TMEM204: variants seen among roughly 807,000 people sequenced by gnomAD.
TMEM204 encodes the protein transmembrane protein 204, also known as claudin-like protein 24.
TMEM204 carries 15 observed loss-of-function variants against 19.4 expected under a neutral mutation model. The observed-to-expected ratio is 0.77, with a 90% CI of 0.52 to 1.19. The LOEUF is 1.19. TMEM204 is among the 50% of genes most tolerant of loss of function. TMEM204 has a pLI of 0.00. For synonymous variants in TMEM204, 161 were observed against 146.0 expected (o/e 1.10, Z -0.74); for missense variants, 287 against 321.2 (o/e 0.89, Z 0.81).
At chr16:1,529,716 CT>C (rs1180549691), upstream of TMEM204, among the ~76,000 whole-genome samples, 1 of 152,196 alleles carries the variant, frequency 6.6e-6, no homozygotes, top group Admixed American at 6.5e-5. Flanking sequence ...CTCCTTTATG[CT>C]GAGGTCCTGG....
At chr16:1,554,020 C>A in intron 2 of TMEM204, 1 of 1,287,240 alleles carries the variant, frequency 7.8e-7, no homozygotes, top group Non-Finnish European at 1.0e-6. Context: ...CGGCCCACCT[C>A]TCCTTCTCTG....
At chr16:1,538,212 T>C (rs1429136846) in intron 1 of TMEM204, among the ~76,000 whole-genome samples, 1 of 152,156 alleles carries the variant, frequency 6.6e-6, no homozygotes, top group East Asian at 1.9e-4. Flanking sequence ...TGGTGAGCCA[T>C]GCACCCTGGG....
intron 2 of TMEM204, among the ~76,000 whole-genome samples, chr16:1,547,615 T>C (rs781524776): frequency 1.3e-5 from 2 of 152,170 alleles, no homozygotes; most frequent in Non-Finnish European, 2.9e-5. Flanking sequence ...GGGTTCAATA[T>C]AAGTTCCGCC....
chr16:1,534,677 G>A, intron 1 of TMEM204, 122 bp downstream of exon 1: 2 of 1,410,736 alleles, frequency 1.4e-6, no homozygotes, highest in South Asian at 2.4e-5. Flanking sequence ...CCCTGAGCGT[G>A]GCCTCTGGGC....
intron 2 of TMEM204, among the ~76,000 whole-genome samples, chr16:1,552,345 C>G (rs1157867349): frequency 1.3e-5 from 2 of 152,136 alleles, no homozygotes; most frequent in Non-Finnish European, 2.9e-5. Flanking sequence ...CGCCCCACCC[C>G]TCCCGCTCGC....
intron 2 of TMEM204, among the ~76,000 whole-genome samples, chr16:1,544,019 CTTT>C (rs768616715): frequency 5.7e-5 from 8 of 140,028 alleles, no homozygotes; most frequent in Admixed American, 7.1e-5. Flanking sequence ...CACTACATTT[CTTT>C]TTTTTTTTTT....
chr16:1,540,080 G>C (rs1030977507), intron 1 of TMEM204, among the ~76,000 whole-genome samples: 3 of 152,164 alleles, frequency 2.0e-5, no homozygotes, highest in Admixed American at 2.0e-4. Context: ...GGGACCCTCA[G>C]TGGCGAGGAG....
intron 1 of TMEM204, chr16:1,541,066 A>G: frequency 1.0e-6 from 1 of 985,448 alleles, no homozygotes; most frequent in Non-Finnish European, 1.2e-6. Context: ...CCTGAGGGCA[A>G]CAAACGCACC....
At chr16:1,532,612 A>G (rs2030624205), upstream of TMEM204, 1 of 152,272 alleles carries the variant, frequency 6.6e-6, no homozygotes, top group Non-Finnish European at 1.5e-5. Flanking sequence ...ACAGGCTGGG[A>G]ACAGGACTCT....
At chr16:1,544,143 G>A (rs1490489888) in intron 2 of TMEM204, among the ~76,000 whole-genome samples, 1 of 149,074 alleles carries the variant, frequency 6.7e-6, no homozygotes, top group African/African-American at 2.5e-5. Context: ...TCAGCCTCCC[G>A]TGTAGGTGGG....
At chr16:1,530,780 C>T (rs1381082541), upstream of TMEM204, 2 of 150,562 alleles carry the variant, frequency 1.3e-5, no homozygotes, top group Admixed American at 6.6e-5. Flanking sequence ...TTCCTGGGGC[C>T]CATGTGTGAC....
chr16:1,544,807 CCTGG>C (rs371521848), intron 2 of TMEM204, among the ~76,000 whole-genome samples: 3,501 of 151,626 alleles, frequency 0.023, 125 homozygotes, highest in African/African-American at 0.08. Flanking sequence ...CGCCACCACG[CCTGG>C]CTAATTTTTT....
Position 1,552,737 on chromosome 16 carries a change from C to T in TMEM204, c.437-2045C>T, listed in dbSNP as rs111621426. Among the ~76,000 whole-genome samples the T allele has an allele frequency of 8.7e-3, 1,316 of 151,674 alleles. 13 individuals carry two copies. Among genetic ancestry groups the T allele is most frequent in the Non-Finnish European group, 0.013 (897 of 67,904 alleles). ...GATCTCGGCTCACTGCAACCTCCGCCTCTTGGGTTCAAGCAATTCTCTGCT... is the reference window on the plus strand; with the variant it reads ...GATCTCGGCTCACTGCAACCTCCGCTTCTTGGGTTCAAGCAATTCTCTGCT... On this transcript the variant is annotated intron_variant, in intron 2 of 2. Transcript: ENST00000566264.
upstream of TMEM204, among the ~76,000 whole-genome samples, chr16:1,530,131 A>ATTTTTTTTT (rs2030295926): frequency 7.9e-6 from 1 of 126,538 alleles, no homozygotes; most frequent in African/African-American, 3.7e-5. Flanking sequence ...CACGACGGGA[A>ATTTTTTTTT]TCTTTTTTTT....
Position 1,553,689 on chromosome 16 carries a change from G to A in TMEM204, c.437-1093G>A, listed in dbSNP as rs908134543. The A allele has an allele frequency of 9.4e-7, 1 of 1,066,486 alleles. No homozygotes were observed. Among genetic ancestry groups the A allele is most frequent in the African/African-American group, 1.7e-5 (1 of 60,524 alleles). 66.1% of individuals were successfully genotyped at this position (1,066,486 alleles called of 1,614,324 possible). A position where few individuals can be genotyped will look rare whatever the true frequency, so the allele number is the denominator to read the frequency against. ...AGAAGCGGGGCTGGGGCTGAAGGCT[G>A]GCTGGAGGCCCCATGGCCTCCAGGA... On this transcript the variant is annotated intron_variant, in intron 2 of 2. Transcript: ENST00000566264. This position sits in a 1 kb window ranked among gnomAD's most constrained non-coding sequence, Gnocchi z 4.4.
intron 2 of TMEM204, among the ~76,000 whole-genome samples, chr16:1,545,146 A>G (rs940239239): frequency 1.3e-5 from 2 of 152,254 alleles, no homozygotes; most frequent in Non-Finnish European, 2.9e-5. Context: ...GCTGTCTTAC[A>G]GCATTCCCGG....
At chr16:1,530,958 TG>T (rs1198570759), upstream of TMEM204, 1 of 152,306 alleles carries the variant, frequency 6.6e-6, no homozygotes, top group African/African-American at 2.4e-5. Flanking sequence ...CCGAGGCTGC[TG>T]GGAGAACCCA....
intron 2 of TMEM204, among the ~76,000 whole-genome samples, chr16:1,544,164 C>G (rs2031924750): frequency 7.2e-6 from 1 of 139,320 alleles, no homozygotes; most frequent in Non-Finnish European, 1.7e-5. Context: ...ATTGCAGGCA[C>G]CTGCCACCAC....
rs1006037750 is a variant in TMEM204, at chr16:1,541,864, G to C, written c.281-57G>C. 5 of 1,496,468 alleles carry C rather than the reference G, an allele frequency of 3.3e-6. No homozygotes were observed. The African/African-American group carries it at 4.2e-5, about 13-fold the overall frequency. The allele number at this position is 1,496,468 out of a possible 1,614,324, so 92.7% of individuals were successfully genotyped here. A position where few individuals can be genotyped will look rare whatever the true frequency, so the allele number is the denominator to read the frequency against. Reference sequence around the variant, plus strand: ...GACCACGAAAGTGGCGTGACGGCTGGCGTGGCCTCTGGAGCCCACCTGCAC... The same window carrying C: ...GACCACGAAAGTGGCGTGACGGCTGCCGTGGCCTCTGGAGCCCACCTGCAC... On this transcript the variant is annotated intron_variant, in intron 1 of 2. Transcript: ENST00000566264.
Sources: allele counts gnomAD v4.1 joint callset (sites outside exome capture counted in the v4.1 genomes callset), GRCh38; gene constraint gnomAD v4.1.1; non-coding constraint Gnocchi (gnomAD v3.1); transcripts MANE v1.5; gene names NCBI Gene and HGNC (gene_info 2026-07-23, HGNC 2026-07-21).